Variants in CLSTN1 observed in about 807,000 individuals in gnomAD.
CLSTN1 encodes the protein calsyntenin 1.
A neutral mutation model predicts 108.3 loss-of-function variants in CLSTN1; 28 were observed. The ratio of observed to expected loss-of-function variants is 0.26; its 90% CI spans 0.19 to 0.35. CLSTN1 has a LOEUF of 0.35. Ranked by LOEUF, CLSTN1 falls within the 10% of genes least tolerant of loss-of-function variation. The probability of loss-of-function intolerance (pLI) is 1.00; values close to 1 mark genes in which losing one functional copy is unlikely to be tolerated. For missense variants in CLSTN1, 1,157 were observed against 1,302.6 expected (o/e 0.89, Z 1.72); for synonymous variants, 524 against 534.9 (o/e 0.98, Z 0.28).
intron 1 of CLSTN1, among the ~76,000 whole-genome samples, chr1:9,817,350 G>A (rs779407346): frequency 3.3e-5 from 5 of 151,936 alleles, no homozygotes; most frequent in South Asian, 2.1e-4. Flanking sequence ...TTTTTGAGAC[G>A]GAGTTTTGCT....
intron 2 of CLSTN1, among the ~76,000 whole-genome samples, chr1:9,763,291 CCA>C (rs1234987527): frequency 2.0e-5 from 3 of 152,142 alleles, no homozygotes; most frequent in African/African-American, 7.2e-5. Flanking sequence ...GTAACAATAA[CCA>C]CAGACTCCAA....
chr1:9,758,655 T>C (rs1651931012), intron 2 of CLSTN1, among the ~76,000 whole-genome samples: 1 of 152,216 alleles, frequency 6.6e-6, no homozygotes, highest in South Asian at 2.1e-4. Flanking sequence ...CTAAGATTTA[T>C]TCATCCTTGC....
chr1:9,785,596 C>A (rs1420238627), intron 1 of CLSTN1, among the ~76,000 whole-genome samples: 1 of 152,116 alleles, frequency 6.6e-6, no homozygotes, highest in Non-Finnish European at 1.5e-5. Context: ...TCCGCGGCCT[C>A]CCCACCAAGA....
At chr1:9,773,249 G>C in intron 2 of CLSTN1, 23 bp downstream of exon 2, 1 of 1,613,396 alleles carries the variant, frequency 6.2e-7, no homozygotes, top group Non-Finnish European at 8.5e-7. Flanking sequence ...TTCATCAAGA[G>C]TCAATGAAAG....
At chr1:9,824,466 C>G (rs901885858), upstream of CLSTN1, 1 of 152,336 alleles carries the variant, frequency 6.6e-6, no homozygotes, top group African/African-American at 2.4e-5. This position sits in a 1 kb window ranked among gnomAD's most constrained non-coding sequence, Gnocchi z 5.0. Flanking sequence ...CCCAGAACCT[C>G]GGGGTCCTCG....
chr1:9,800,181 T>C (rs1312778815), intron 1 of CLSTN1, among the ~76,000 whole-genome samples: 1 of 151,346 alleles, frequency 6.6e-6, no homozygotes, highest in Non-Finnish European at 1.5e-5. Flanking sequence ...TAGAAAAAGA[T>C]CAGCAGATTA....
intron 1 of CLSTN1, among the ~76,000 whole-genome samples, chr1:9,817,555 T>C (rs1219540182): frequency 2.0e-5 from 3 of 152,080 alleles, no homozygotes; most frequent in Non-Finnish European, 4.4e-5. Flanking sequence ...CCCGAACTCC[T>C]GACCTAAGGT....
intron 1 of CLSTN1, among the ~76,000 whole-genome samples, chr1:9,808,221 G>T (rs952426160): frequency 6.6e-6 from 1 of 152,174 alleles, no homozygotes; most frequent in Non-Finnish European, 1.5e-5. Context: ...CACAAATACT[G>T]TATTTTCCAT....
At chr1:9,756,235 T>C (rs544777127) in intron 3 of CLSTN1, among the ~76,000 whole-genome samples, 2 of 152,356 alleles carry the variant, frequency 1.3e-5, no homozygotes, top group South Asian at 4.1e-4. Flanking sequence ...TCTGAAGTTC[T>C]ATTAAACAAA....
At chr1:9,811,386 G>A (rs929317293) in intron 1 of CLSTN1, among the ~76,000 whole-genome samples, 1 of 152,094 alleles carries the variant, frequency 6.6e-6, no homozygotes, top group Admixed American at 6.6e-5. Flanking sequence ...CGTACACTTG[G>A]GCATGGACTT....
chr1:9,810,741 C>A (rs1396769812), intron 1 of CLSTN1, among the ~76,000 whole-genome samples: 1 of 152,048 alleles, frequency 6.6e-6, no homozygotes, highest in African/African-American at 2.4e-5. Context: ...CGCCACTACA[C>A]TCCAGCCTGG....
At chr1:9,740,876 A>G (rs1002893520) in intron 10 of CLSTN1, among the ~76,000 whole-genome samples, 19 of 152,300 alleles carry the variant, frequency 1.2e-4, no homozygotes, top group African/African-American at 3.4e-4. Context: ...CGGTGTGGTC[A>G]GTCCTATCAC....
chr1:9,756,936 G>A (rs571906337), intron 2 of CLSTN1, among the ~76,000 whole-genome samples: 7 of 151,728 alleles, frequency 4.6e-5, no homozygotes, highest in South Asian at 2.1e-4. Flanking sequence ...CCGCCACCAC[G>A]CCCGGATAAT....
intron 7 of CLSTN1, among the ~76,000 whole-genome samples, chr1:9,745,568 G>A (rs1165611806): frequency 6.6e-6 from 1 of 151,402 alleles, no homozygotes; most frequent in Non-Finnish European, 1.5e-5. Flanking sequence ...GAGATGGGAG[G>A]ATCACTTGAG....
intron 1 of CLSTN1, chr1:9,781,375 C>T: frequency 2.1e-6 from 1 of 473,404 alleles, no homozygotes; most frequent in East Asian, 3.7e-5. Flanking sequence ...ATTATAAAAC[C>T]ATAGCATTAT....
intron 1 of CLSTN1, among the ~76,000 whole-genome samples, chr1:9,782,119 G>A (rs1653279424): frequency 6.6e-6 from 1 of 152,128 alleles, no homozygotes; most frequent in African/African-American, 2.4e-5. Flanking sequence ...AGAATACTTA[G>A]TTTTTTAAAC....
intron 1 of CLSTN1, among the ~76,000 whole-genome samples, chr1:9,800,118 T>A (rs775589326): frequency 6.6e-6 from 1 of 151,546 alleles, no homozygotes; most frequent in Non-Finnish European, 1.5e-5. Flanking sequence ...ATACATATAT[T>A]AGAAAAAAAG....
At chr1:9,805,578 T>G (rs757627093) in intron 1 of CLSTN1, among the ~76,000 whole-genome samples, 3 of 152,082 alleles carry the variant, frequency 2.0e-5, no homozygotes, top group Non-Finnish European at 2.9e-5. Flanking sequence ...TAAAAATGTG[T>G]TATTTAGGTT....
rs771099481 is a variant in CLSTN1, at chr1:9,730,504, C to T, written c.*4G>A. ...GCAGAAACCGAGGTGGCCGGGGGCA[C>T]GGGTCAGTAGCTGAGGGTGGAGTCA... is the stretch of plus-strand genomic sequence containing the variant. On this transcript the variant is annotated 3_prime_UTR_variant, in exon 19 of 19. Coordinates refer to ENST00000377298, the MANE Select transcript of CLSTN1 (RefSeq NM_001009566.3). This position sits in a 1 kb window ranked among gnomAD's most constrained non-coding sequence, Gnocchi z 5.6. 47 of 1,601,850 alleles carry T rather than the reference C, an allele frequency of 2.9e-5. No homozygotes were observed. The East Asian group carries it at 4.5e-4, about 15-fold the overall frequency.
Sources: allele counts gnomAD v4.1 joint callset (sites outside exome capture counted in the v4.1 genomes callset), GRCh38; gene constraint gnomAD v4.1.1; non-coding constraint Gnocchi (gnomAD v3.1); transcripts MANE v1.5; gene names NCBI Gene and HGNC (gene_info 2026-07-23, HGNC 2026-07-21).